FMN2: variants seen among roughly 807,000 people sequenced by gnomAD.
FMN2 encodes the protein formin 2, also known as formin-2.
FMN2 carries 51 observed loss-of-function variants against 142.3 expected under a neutral mutation model. The observed-to-expected ratio is 0.36, with a 90% CI of 0.29 to 0.45. The LOEUF is 0.45. Ranked by LOEUF, FMN2 falls within the 20% of genes least tolerant of loss-of-function variation. The probability of loss-of-function intolerance (pLI) is 1.00; values close to 1 mark genes in which losing one functional copy is unlikely to be tolerated. For synonymous variants in FMN2, 882 were observed against 869.8 expected, an observed-to-expected ratio of 1.01 and a Z score of -0.25; for missense variants, 1,936 against 2,122.8, an observed-to-expected ratio of 0.91 and a Z score of 1.73.
intron 14 of FMN2, among the ~76,000 whole-genome samples, chr1:240,383,880 G>GA (rs140109654): frequency 0.065 from 9,587 of 146,696 alleles, 410 homozygotes; most frequent in African/African-American, 0.12. Flanking sequence ...ACTGGAGAAA[G>GA]AAAAAAAATA....
At chr1:240,218,271 G>T in intron 6 of FMN2, among the ~76,000 whole-genome samples, 1 of 105,536 alleles carries the variant, frequency 9.5e-6, no homozygotes, top group Non-Finnish European at 1.8e-5. Context: ...GACAGAGCGA[G>T]ACTCTGTCTC....
At chr1:240,093,863 C>T (rs183387728) in intron 1 of FMN2, 139 bp downstream of exon 1, 15 of 542,416 alleles carry the variant, frequency 2.8e-5, no homozygotes, top group African/African-American at 2.7e-4. Flanking sequence ...AATCCTTTTC[C>T]GCCCAGCGAG....
rs368104157 is a variant in FMN2 at position 240,207,041 on chromosome 1, G to C, written c.2229G>C (p.Ser743=). Residue 743 remains serine, a synonymous_variant, in exon 5 of 18, where the codon TCG becomes TCC. Transcript: ENST00000319653. ...VRHHRILEAK[S]IQTSPTEEGG... is the part of the protein sequence containing the mutation. ...ATCATAGGATTTTAGAGGCGAAATCGATACAGACTTCCCCCACGGAAGAGG... is the reference window on the plus strand; with the variant it reads ...ATCATAGGATTTTAGAGGCGAAATCCATACAGACTTCCCCCACGGAAGAGG... 1 of 1,614,154 alleles carries C rather than the reference G, an allele frequency of 6.2e-7. No individual in the cohort carries two copies. Among genetic ancestry groups the C allele is most frequent in the South Asian group, 1.1e-5 (1 of 91,086 alleles).
At position 240,459,717 on chromosome 1, in the gene FMN2, T is replaced by TAAAAAAA. The variant is rs57065226; in HGVS notation, c.5061-12623_5061-12617dup. Among the ~76,000 whole-genome samples the TAAAAAAA allele has an allele frequency of 2.1e-3, 139 of 67,128 alleles. 8 individuals are homozygous for TAAAAAAA. The highest frequency in any genetic ancestry group is 4.3e-3 in the African/African-American group (83 of 19,484). 44.0% of individuals were successfully genotyped at this position (67,128 alleles called of 152,430 possible). On this transcript the variant is annotated intron_variant, in intron 16 of 17. Transcript: ENST00000319653. Reference sequence around the variant, plus strand: ...GGGTGACAGAACAAGACTCTGTCTCTAAAAAAAAAAAAAAAAAAAAAAAAA... The same window carrying TAAAAAAA: ...GGGTGACAGAACAAGACTCTGTCTCTAAAAAAAAAAAAAAAAAAAAAAAAAAAAAAAA...
chr1:240,137,599 T>C (rs1193195706), intron 2 of FMN2, among the ~76,000 whole-genome samples: 3 of 152,356 alleles, frequency 2.0e-5, no homozygotes, highest in East Asian at 1.9e-4. Context: ...ACAATATTTA[T>C]GGAATTTTTC....
chr1:240,337,679 A>C (rs1192080049), intron 13 of FMN2, among the ~76,000 whole-genome samples: 1 of 152,222 alleles, frequency 6.6e-6, no homozygotes, highest in Non-Finnish European at 1.5e-5. Context: ...AAAGACAGTT[A>C]AGCAATAATC....
chr1:240,367,783 A>G (rs933323492), intron 14 of FMN2, among the ~76,000 whole-genome samples: 2 of 151,550 alleles, frequency 1.3e-5, no homozygotes, highest in South Asian at 2.1e-4. Flanking sequence ...AAAAAAAAAA[A>G]AAAAAAAAGA....
chr1:240,292,530 G>A (rs938273298), intron 7 of FMN2, among the ~76,000 whole-genome samples: 24 of 152,202 alleles, frequency 1.6e-4, no homozygotes, highest in African/African-American at 5.8e-4. Flanking sequence ...AATCCCTGAT[G>A]TATAGGAAAC....
intron 15 of FMN2, among the ~76,000 whole-genome samples, chr1:240,433,230 G>C (rs764430725): frequency 1.3e-5 from 2 of 152,038 alleles, no homozygotes; most frequent in Non-Finnish European, 2.9e-5. Context: ...TATGTTCTTT[G>C]TCTTGGAAGT....
intron 14 of FMN2, among the ~76,000 whole-genome samples, chr1:240,390,298 A>G (rs984227595): frequency 1.3e-5 from 2 of 152,160 alleles, no homozygotes; most frequent in Admixed American, 1.3e-4. Flanking sequence ...GTTTGTCTTT[A>G]TGATTGTGAT....
intron 16 of FMN2, among the ~76,000 whole-genome samples, chr1:240,468,120 T>G (rs1166521303): frequency 6.6e-6 from 1 of 152,150 alleles, no homozygotes; most frequent in Non-Finnish European, 1.5e-5. Context: ...CTTCCCTTTT[T>G]AGTTCTCTAA....
rs112097767 is a variant in FMN2 at position 240,285,913 on chromosome 1, C to T, written c.4154-8909C>T. Among the ~76,000 whole-genome samples the T allele has an allele frequency of 6.5e-4, 99 of 151,886 alleles. 1 individual carries two copies. The highest frequency in any genetic ancestry group is 1.8e-3 in the Admixed American group (28 of 15,210). On this transcript the variant is annotated intron_variant, in intron 7 of 17. Coordinates refer to ENST00000319653, the MANE Select transcript of FMN2 (RefSeq NM_020066.5). Reference sequence around the variant, plus strand: ...TTATTTTTTTTTCCTTTTTTTCCCCCGCTCTGGTTTCTAACATCCCTTGTA... The same window carrying T: ...TTATTTTTTTTTCCTTTTTTTCCCCTGCTCTGGTTTCTAACATCCCTTGTA...
Position 240,472,362 on chromosome 1 carries a change from T to A in FMN2, c.5061-10T>A, listed in dbSNP as rs1273357930. On this transcript the variant is annotated splice_polypyrimidine_tract_variant and intron_variant, in intron 16 of 17. Coordinates refer to ENST00000319653, the MANE Select transcript of FMN2 (RefSeq NM_020066.5). ...GTTTTGTTTAAATACATGTGTCTTC[T>A]CCCCATCAGAGTAAAAGAAGCCGAA... The A allele has an allele frequency of 1.9e-6, 3 of 1,605,710 alleles. No individual in the cohort carries two copies. In the African/African-American group the frequency reaches 4.0e-5, roughly 22 times the overall value.
At chr1:240,273,828 C>T (rs934759411) in intron 7 of FMN2, among the ~76,000 whole-genome samples, 9 of 152,074 alleles carry the variant, frequency 5.9e-5, no homozygotes, top group Non-Finnish European at 1.0e-4. Flanking sequence ...GTTGGGGGAT[C>T]TCTCTATGCC....
At position 240,092,793 on chromosome 1, in the gene FMN2, C is replaced by G; in HGVS notation, c.684C>G (p.Gly228=). ...AGCAGCAGCAGCAGCAGCTCCAGGG[C>G]GCCGAGGAGCCTGCAGCGCCCCCCA... ...QQQQQQQQLQ[G]AEEPAAPPTA... is the part of the protein sequence containing the mutation. The change falls in exon 1 of 18, where the codon GGC becomes GGG. Residue 228 remains glycine (G), a synonymous_variant. Coordinates refer to ENST00000319653, the MANE Select transcript of FMN2 (RefSeq NM_020066.5). The G allele has an allele frequency of 1.9e-6, 3 of 1,595,370 alleles. No homozygotes were observed. Among genetic ancestry groups the G allele is most frequent in the Non-Finnish European group, 2.6e-6 (3 of 1,171,382 alleles).
chr1:240,107,755 GA>G (rs141627393), intron 1 of FMN2, among the ~76,000 whole-genome samples: 4,701 of 151,178 alleles, frequency 0.031, 185 homozygotes, highest in African/African-American at 0.099. Context: ...TCTTCCCCAG[GA>G]AAAAAAATCC....
At chr1:240,354,940 C>G in intron 13 of FMN2, among the ~76,000 whole-genome samples, 1 of 151,976 alleles carries the variant, frequency 6.6e-6, no homozygotes, top group East Asian at 1.9e-4. Flanking sequence ...GAATTACTTC[C>G]TTACTGGCTC....
chr1:240,233,828 C>T (rs1360711273), intron 6 of FMN2, among the ~76,000 whole-genome samples: 2 of 152,124 alleles, frequency 1.3e-5, no homozygotes, highest in Non-Finnish European at 2.9e-5. Flanking sequence ...TCACACATTG[C>T]ACATTGGCCC....
chr1:240,422,776 T>C (rs141570350), intron 15 of FMN2, among the ~76,000 whole-genome samples: 1 of 152,200 alleles, frequency 6.6e-6, no homozygotes, highest in Admixed American at 6.5e-5. Context: ...AAATATACGC[T>C]GACTATAATG....
Sources: allele counts gnomAD v4.1 joint callset (sites outside exome capture counted in the v4.1 genomes callset), GRCh38; gene constraint gnomAD v4.1.1; transcripts MANE v1.5; gene names NCBI Gene and HGNC (gene_info 2026-07-23, HGNC 2026-07-21).